The following USP38 variants were observed in gnomAD, a reference collection of about 807,000 sequenced individuals.
USP38 encodes ubiquitin carboxyl-terminal hydrolase 38.
USP38 carries 49 observed loss-of-function variants against 94.3 expected under a neutral mutation model. The ratio of observed to expected loss-of-function variants is 0.52; its 90% CI spans 0.41 to 0.66. USP38 has a LOEUF of 0.66. Ranked by LOEUF, USP38 falls within the 30% of genes least tolerant of loss-of-function variation. The pLI is 0.00. For synonymous variants in USP38, 468 were observed against 463.6 expected (o/e 1.01, Z -0.12); for missense variants, 1,128 against 1,229.4 (o/e 0.92, Z 1.23).
In USP38 at chr4:143,212,424, G is replaced by T; in HGVS notation, c.1604G>T (p.Arg535Met). 6.3e-7 allele frequency: 1 copy of T among 1,575,088 alleles called. No individual in the cohort carries two copies. The highest frequency in any genetic ancestry group is 8.6e-7 in the Non-Finnish European group (1 of 1,161,050). The change falls in exon 8 of 10, where the codon AGG becomes ATG. Residue 535 changes from arginine to methionine, a missense_variant and splice_region_variant. Physicochemically the swap from Arg to Met is moderately conservative, Grantham distance 91. Coordinates refer to ENST00000307017, the MANE Select transcript of USP38 (RefSeq NM_032557.6). ...GAATACCTCAGATTTCTCCTTGACA[G>T]GTAAAAAGTATTCTTAAAATTGTGA... ...CSEYLRFLLDRLHEEEKILKV... is the reference protein window; with the variant it reads ...CSEYLRFLLDMLHEEEKILKV...
chr4:143,185,945 C>T lies in USP38; in HGVS notation c.495C>T (p.Ile165=). 1 of 1,614,166 alleles carries T rather than the reference C, an allele frequency of 6.2e-7. No homozygotes were observed. The highest frequency in any genetic ancestry group is 1.7e-5 in the Admixed American group (1 of 60,022). The change falls in exon 1 of 10, where the codon ATC becomes ATT. Residue 165 remains isoleucine, a synonymous_variant. Transcript: ENST00000307017. Reference sequence around the variant, plus strand: ...GCATCCCCAAGGGGAAATTGTCCATCACGTTCTGTCAACAGCTGGTTCGAA... The same window carrying T: ...GCATCCCCAAGGGGAAATTGTCCATTACGTTCTGTCAACAGCTGGTTCGAA... ...VQCIPKGKLS[I]TFCQQLVRTI...
rs1426678165 is a variant in USP38, at chr4:143,214,259, T to C, written c.2283T>C (p.Leu761=). Residue 761 remains leucine (L), a synonymous_variant, in exon 9 of 10, where the codon CTT becomes CTC. Transcript: ENST00000307017. ...TMQITEEPEY[L]ILTLLRFSYD... ...AAATCACGGAGGAACCTGAATACCTTATTCTTACTCTCCTGAGATTTTCAT... is the reference window on the plus strand; with the variant it reads ...AAATCACGGAGGAACCTGAATACCTCATTCTTACTCTCCTGAGATTTTCAT... The C allele has an allele frequency of 6.2e-7, 1 of 1,613,392 alleles. No individual in the cohort carries two copies. Among genetic ancestry groups the C allele is most frequent in the Non-Finnish European group, 8.5e-7 (1 of 1,179,792 alleles).
At position 143,222,961 on chromosome 4, in the gene USP38, T is replaced by C. The variant is rs1464586362; in HGVS notation, c.*2505T>C. The C allele has an allele frequency of 2.0e-5, 3 of 152,160 alleles. No homozygotes were observed. The highest frequency in any genetic ancestry group is 4.4e-5 in the Non-Finnish European group (3 of 67,992). The allele number at this position is 152,160 out of a possible 1,614,324, so 9.4% of individuals were successfully genotyped here. ...GTTTTTCTTTCCTTAGTCAGAGTAA[T>C]CAGTTTAAATGAAGTTGCTCATTGC... On this transcript the variant is annotated 3_prime_UTR_variant, in exon 10 of 10. Coordinates refer to ENST00000307017, the MANE Select transcript of USP38 (RefSeq NM_032557.6).
rs1392616391 is a variant in USP38 at position 143,195,810 on chromosome 4, A to C, written c.913A>C (p.Ile305Leu). Reference sequence around the variant, plus strand: ...ACTGGCAGCTGTCCAGAAGTTTACTATTTTGATAGATGTTACTTTGCTGAA... The same window carrying C: ...ACTGGCAGCTGTCCAGAAGTTTACTCTTTTGATAGATGTTACTTTGCTGAA... ...KGLAAVQKFT[I>L]LIDVTLLKIE... is the part of the protein sequence containing the mutation. The change falls in exon 3 of 10, where the codon ATT becomes CTT. Residue 305 changes from isoleucine to leucine, a missense_variant. Coordinates refer to ENST00000307017, the MANE Select transcript of USP38 (RefSeq NM_032557.6). The C allele has an allele frequency of 3.1e-6, 5 of 1,613,212 alleles. No individual in the cohort carries two copies. The African/African-American group carries it at 6.7e-5, about 22-fold the overall frequency.
At chr4:143,209,476 G>A (rs1581165807) in intron 6 of USP38, 88 bp from the exon 7 acceptor site, 3 of 768,218 alleles carry the variant, frequency 3.9e-6, no homozygotes, top group Non-Finnish European at 5.9e-6. Context: ...GGCAACAAAA[G>A]GAAACTCTGT....
Position 143,214,700 on chromosome 4 carries a change from A to G in USP38, c.2724A>G (p.Glu908=). 6.2e-7 allele frequency: 1 copy of G among 1,613,714 alleles called. No individual in the cohort carries two copies. The highest frequency in any genetic ancestry group is 8.5e-7 in the Non-Finnish European group (1 of 1,179,808). ...TTGAACAGGATTTGGAAAATAAGGAAATGTCAAAAGAATGGTTTTTATTTA... is the reference window on the plus strand; with the variant it reads ...TTGAACAGGATTTGGAAAATAAGGAGATGTCAAAAGAATGGTTTTTATTTA... The part of the protein sequence containing the change: ...AVFEQDLENK[E]MSKEWFLFND... The change falls in exon 9 of 10, where the codon GAA becomes GAG. Residue 908 remains glutamate, a synonymous_variant. Transcript: ENST00000307017.
chr4:143,198,948 T>C (rs1165611996), intron 4 of USP38, among the ~76,000 whole-genome samples: 3 of 152,162 alleles, frequency 2.0e-5, no homozygotes, highest in East Asian at 3.8e-4. Flanking sequence ...GGCACAATCA[T>C]GTGTAAGACA....
chr4:143,188,761 A>C (rs1731305819), intron 2 of USP38, among the ~76,000 whole-genome samples: 1 of 152,076 alleles, frequency 6.6e-6, no homozygotes, highest in East Asian at 1.9e-4. Context: ...AACTGATAAA[A>C]ATATCTGCCT....
chr4:143,213,113 TCGCCTGAC>T (rs1732071678), intron 8 of USP38, among the ~76,000 whole-genome samples: 1 of 152,162 alleles, frequency 6.6e-6, no homozygotes, highest in Admixed American at 6.6e-5. Flanking sequence ...TGTTTTATTG[TCGCCTGAC>T]CACTTAATTA....
chr4:143,201,424 C>G (rs913600358), intron 4 of USP38, among the ~76,000 whole-genome samples: 2 of 152,106 alleles, frequency 1.3e-5, no homozygotes, highest in Non-Finnish European at 2.9e-5. Flanking sequence ...TCTGACATAA[C>G]TTTATCATTC....
At chr4:143,205,586 A>T (rs1731836552) in intron 5 of USP38, among the ~76,000 whole-genome samples, 1 of 152,202 alleles carries the variant, frequency 6.6e-6, no homozygotes, top group South Asian at 2.1e-4. Context: ...CTGAGTAAAT[A>T]TTAGTATTTA....
rs529745001 is a variant in USP38 at position 143,222,697 on chromosome 4, G to A, written c.*2241G>A. ...CATTAAAAATACAGTAACTTTTTAC[G>A]TGATTTGTTGAATTCAACATATTTG... On this transcript the variant is annotated 3_prime_UTR_variant, in exon 10 of 10. Coordinates refer to ENST00000307017, the MANE Select transcript of USP38 (RefSeq NM_032557.6). 2.0e-5 allele frequency: 3 copies of A among 152,120 alleles called. No homozygotes were observed. Among genetic ancestry groups the A allele is most frequent in the South Asian group, 4.2e-4 (2 of 4,816 alleles). 9.4% of individuals were successfully genotyped at this position (152,120 alleles called of 1,614,324 possible).
At chr4:143,193,267 A>G (rs1048407007) in intron 2 of USP38, among the ~76,000 whole-genome samples, 16 of 151,238 alleles carry the variant, frequency 1.1e-4, no homozygotes, top group Non-Finnish European at 2.2e-4. Flanking sequence ...TCCATTTTAG[A>G]TTCCTCATGG....
Position 143,212,640 on chromosome 4 carries a change from A to G in USP38, c.1604+216A>G, listed in dbSNP as rs538218246. 3.3e-5 allele frequency among the ~76,000 whole-genome samples: 5 copies of G among 152,202 alleles called. No individual in the cohort carries two copies. In the East Asian group the frequency reaches 9.7e-4, roughly 29 times the overall value. On this transcript the variant is annotated intron_variant, in intron 8 of 9. Coordinates refer to ENST00000307017, the MANE Select transcript of USP38 (RefSeq NM_032557.6). The stretch of plus-strand genomic sequence containing the variant: ...ACCAGCTGTTCTCAAAGTGTGAAAC[A>G]AGGACCCCTGCGGGTTCCCAAAACA...
intron 2 of USP38, among the ~76,000 whole-genome samples, chr4:143,195,017 G>A (rs955037664): frequency 2.6e-5 from 4 of 151,144 alleles, no homozygotes; most frequent in Admixed American, 2.6e-4. Context: ...TATATTTGAA[G>A]TTTCTTTTTG....
intron 2 of USP38, among the ~76,000 whole-genome samples, chr4:143,189,293 A>G (rs560705438): frequency 4.6e-5 from 7 of 151,586 alleles, no homozygotes; most frequent in Admixed American, 3.3e-4. Flanking sequence ...TTCAATGACT[A>G]TTTTTTTCTA....
intron 9 of USP38, among the ~76,000 whole-genome samples, chr4:143,220,063 C>T (rs1053374194): frequency 5.3e-5 from 8 of 152,054 alleles, no homozygotes; most frequent in Admixed American, 5.2e-4. Context: ...TCTTTGAATT[C>T]TATGTTAAAT....
chr4:143,185,226 G>T lies in USP38; in HGVS notation c.-225G>T. 1 of 512,626 alleles carries T rather than the reference G, an allele frequency of 2.0e-6. No homozygotes were observed. The highest frequency in any genetic ancestry group is 3.4e-6 in the Non-Finnish European group (1 of 295,876). The allele number at this position is 512,626 out of a possible 1,614,324, so 31.8% of individuals were successfully genotyped here. A position where few individuals can be genotyped will look rare whatever the true frequency, so the allele number is the denominator to read the frequency against. On this transcript the variant is annotated 5_prime_UTR_variant, in exon 1 of 10. Coordinates refer to ENST00000307017, the MANE Select transcript of USP38 (RefSeq NM_032557.6). Reference sequence around the variant, plus strand: ...GGGCCTCTGGCGCCTTAGGCCAGCCGCAGGTGTCGGTTCTTAGGCTCTCCA... The same window carrying T: ...GGGCCTCTGGCGCCTTAGGCCAGCCTCAGGTGTCGGTTCTTAGGCTCTCCA...
At chr4:143,204,294 A>G (rs577570429) in intron 5 of USP38, 9 of 387,226 alleles carry the variant, frequency 2.3e-5, no homozygotes, top group African/African-American at 2.2e-5. Context: ...TTTTAATTCT[A>G]TTTTTGCTGT....
Sources: allele counts gnomAD v4.1 joint callset (sites outside exome capture counted in the v4.1 genomes callset), GRCh38; gene constraint gnomAD v4.1.1; transcripts MANE v1.5; gene names NCBI Gene and HGNC (gene_info 2026-07-23, HGNC 2026-07-21).